CAGE1: variants seen among roughly 807,000 people sequenced by gnomAD.
CAGE1 encodes cancer antigen 1.
In CAGE1, 66 loss-of-function variants were observed where a neutral mutation model predicts 94.9. That is an observed-to-expected ratio of 0.70 (90% CI 0.57 to 0.85). CAGE1 has a LOEUF of 0.85. Ranked by LOEUF, CAGE1 falls within the 40% of genes least tolerant of loss-of-function variation. The pLI is 0.00. For missense variants in CAGE1, 865 were observed against 950.4 expected, an observed-to-expected ratio of 0.91 and a Z score of 1.18; for synonymous variants, 319 against 321.0, an observed-to-expected ratio of 0.99 and a Z score of 0.07.
intron 11 of CAGE1, among the ~76,000 whole-genome samples, chr6:7,351,731 G>A (rs1209938090): frequency 6.6e-6 from 1 of 152,032 alleles, no homozygotes; most frequent in African/African-American, 2.4e-5. Context: ...TTTAACATAT[G>A]CAAGTCAATA....
rs916814378 is a variant in CAGE1 at position 7,372,806 on chromosome 6, C to T, written c.1746+267G>A. Reference sequence around the variant, plus strand: ...ATCTCAACCTCCCGAATAGATAGGACTATAGGCGCACACCACCATGCATGA... The same window carrying T: ...ATCTCAACCTCCCGAATAGATAGGATTATAGGCGCACACCACCATGCATGA... On this transcript the variant is annotated intron_variant, in intron 5 of 13. Coordinates refer to ENST00000502583, the MANE Select transcript of CAGE1 (RefSeq NM_001170692.2). Among the ~76,000 whole-genome samples the T allele has an allele frequency of 4.6e-5, 7 of 152,220 alleles. No individual in the cohort carries two copies. In the East Asian group the frequency reaches 1.4e-3, roughly 29 times the overall value.
chr6:7,327,054 T>TTTTG lies in CAGE1; in HGVS notation c.2479-159_2479-156dup, dbSNP rs533782599. 1.1e-4 allele frequency among the ~76,000 whole-genome samples: 17 copies of TTTTG among 152,256 alleles called. No homozygotes were observed. In the South Asian group the frequency reaches 2.5e-3, roughly 22 times the overall value. ...TTCCACAGATAATACCAACACTATA[T>TTTTG]TTTGTTTGTTTGTTTTGAGACAGAG... On this transcript the variant is annotated intron_variant, in intron 13 of 13. Coordinates refer to ENST00000502583, the MANE Select transcript of CAGE1 (RefSeq NM_001170692.2).
At chr6:7,347,795 G>A (rs1036930343) in intron 11 of CAGE1, among the ~76,000 whole-genome samples, 4 of 151,952 alleles carry the variant, frequency 2.6e-5, no homozygotes, top group African/African-American at 7.2e-5. Context: ...GTGACTGCAG[G>A]CTTTCCCCCA....
chr6:7,386,015 T>C, intron 2 of CAGE1, 143 bp from the exon 3 acceptor site: 2 of 476,458 alleles, frequency 4.2e-6, no homozygotes, highest in South Asian at 4.0e-5. Context: ...TTCCCCAGCA[T>C]GTATTTGGCT....
At chr6:7,334,334 G>A in intron 11 of CAGE1, among the ~76,000 whole-genome samples, 1 of 152,174 alleles carries the variant, frequency 6.6e-6, no homozygotes, top group Non-Finnish European at 1.5e-5. Context: ...AATATGTAAA[G>A]CAGCATTCAG....
chr6:7,341,163 C>T lies in CAGE1; in HGVS notation c.2370-7073G>A. On this transcript the variant is annotated intron_variant, in intron 11 of 13. Coordinates refer to ENST00000502583, the MANE Select transcript of CAGE1 (RefSeq NM_001170692.2). ...GCCGGTAGTTATTGGTGGGCAGGTA[C>T]ACTTTGTCAATCCATTCTGTGTTCT... 6.9e-6 allele frequency: 4 copies of T among 580,428 alleles called. No individual in the cohort carries two copies. In the Middle Eastern group the frequency reaches 9.3e-4, roughly 135 times the overall value. The allele number at this position is 580,428 out of a possible 1,614,324, so 36.0% of individuals were successfully genotyped here. A position where few individuals can be genotyped will look rare whatever the true frequency, so the allele number is the denominator to read the frequency against.
At position 7,370,000 on chromosome 6, in the gene CAGE1, A is replaced by T; in HGVS notation, c.1812T>A (p.Pro604=). The T allele has an allele frequency of 6.2e-7, 1 of 1,613,846 alleles. No homozygotes were observed. The highest frequency in any genetic ancestry group is 8.5e-7 in the Non-Finnish European group (1 of 1,179,806). ...GCTGAGAAGCTCTTTTTATATCTGC[A>T]GGATTCAGCCTCTCTTCACAAGGTG... ...DCSPCEERLN[P]ADIKRASQLA... The change falls in exon 6 of 14, where the codon CCT becomes CCA. Residue 604 remains proline (P), a synonymous_variant. Coordinates refer to ENST00000502583, the MANE Select transcript of CAGE1 (RefSeq NM_001170692.2).
intron 11 of CAGE1, among the ~76,000 whole-genome samples, chr6:7,349,944 AAAAGAAAGAAAG>A (rs56998030): frequency 1.2e-4 from 17 of 142,716 alleles, no homozygotes; most frequent in Admixed American, 1.4e-4. Context: ...AAAAAAAAAA[AAAAGAAAGAAAG>A]AAAGAAAGAA....
At chr6:7,334,525 T>C (rs1280954481) in intron 11 of CAGE1, among the ~76,000 whole-genome samples, 2 of 151,938 alleles carry the variant, frequency 1.3e-5, no homozygotes, top group Non-Finnish European at 2.9e-5. Flanking sequence ...GCCCAGGAGT[T>C]CGTGACTAGC....
chr6:7,375,724 A>C (rs896261831), intron 4 of CAGE1, among the ~76,000 whole-genome samples: 4 of 152,206 alleles, frequency 2.6e-5, no homozygotes, highest in Non-Finnish European at 2.9e-5. Context: ...TATCTAAAAT[A>C]AATAAATAAG....
At chr6:7,363,403 T>C (rs1048346952) in intron 9 of CAGE1, among the ~76,000 whole-genome samples, 1 of 152,258 alleles carries the variant, frequency 6.6e-6, no homozygotes, top group Non-Finnish European at 1.5e-5. Context: ...TTTTCTATTA[T>C]CTCACAAATG....
At chr6:7,358,473 A>C (rs1324738376) in intron 9 of CAGE1, among the ~76,000 whole-genome samples, 1 of 152,112 alleles carries the variant, frequency 6.6e-6, no homozygotes, top group Non-Finnish European at 1.5e-5. Context: ...GATTTGGGCT[A>C]TTTATTATAA....
chr6:7,372,291 G>T (rs1760562769), intron 5 of CAGE1, among the ~76,000 whole-genome samples: 1 of 151,956 alleles, frequency 6.6e-6, no homozygotes, highest in South Asian at 2.1e-4. Context: ...GGCCAACACG[G>T]TGAAACCCCA....
At chr6:7,360,896 G>A (rs1174210956) in intron 9 of CAGE1, among the ~76,000 whole-genome samples, 3 of 151,814 alleles carry the variant, frequency 2.0e-5, no homozygotes, top group African/African-American at 4.8e-5. Context: ...GCAGTGAGCC[G>A]AGATCACGCC....
At chr6:7,377,457 T>C (rs989608846) in intron 4 of CAGE1, among the ~76,000 whole-genome samples, 1 of 152,146 alleles carries the variant, frequency 6.6e-6, no homozygotes, top group Non-Finnish European at 1.5e-5. Context: ...GGAAAGGTAT[T>C]ATTGGCCAGG....
intron 9 of CAGE1, among the ~76,000 whole-genome samples, chr6:7,360,772 C>T (rs181547833): frequency 3.9e-5 from 6 of 152,116 alleles, no homozygotes; most frequent in Admixed American, 1.3e-4. Context: ...GGTGAAACCC[C>T]GTCTCTACTA....
At position 7,350,611 on chromosome 6, in the gene CAGE1, T is replaced by G. The variant is rs537656025; in HGVS notation, c.2369+4430A>C. 1.8e-4 allele frequency among the ~76,000 whole-genome samples: 28 copies of G among 152,226 alleles called. No homozygotes were observed. The South Asian group carries it at 5.6e-3, about 30-fold the overall frequency. On this transcript the variant is annotated intron_variant, in intron 11 of 13. Transcript: ENST00000502583. ...CGGAAATCAACTCCAAAAGGAACCTTCAAAACCATGCAAATACATGGAAAT... is the reference window on the plus strand; with the variant it reads ...CGGAAATCAACTCCAAAAGGAACCTGCAAAACCATGCAAATACATGGAAAT...
At chr6:7,379,906 G>T (rs1760875964) in intron 3 of CAGE1, among the ~76,000 whole-genome samples, 1 of 152,142 alleles carries the variant, frequency 6.6e-6, no homozygotes, top group African/African-American at 2.4e-5. Flanking sequence ...GTTCAAACTA[G>T]TATTTGTCCT....
At chr6:7,366,626 TGTG>T (rs1425362866) in intron 7 of CAGE1, among the ~76,000 whole-genome samples, 3 of 152,204 alleles carry the variant, frequency 2.0e-5, no homozygotes, top group African/African-American at 7.2e-5. Flanking sequence ...CTTCCACACC[TGTG>T]GTTGCAACTC....
Sources: allele counts gnomAD v4.1 joint callset (sites outside exome capture counted in the v4.1 genomes callset), GRCh38; gene constraint gnomAD v4.1.1; transcripts MANE v1.5; gene names NCBI Gene and HGNC (gene_info 2026-07-23, HGNC 2026-07-21).